The following SLC9A9 variants were observed in gnomAD, a reference collection of about 807,000 sequenced individuals.
SLC9A9 encodes the protein solute carrier family 9 member A9.
SLC9A9 carries 62 observed loss-of-function variants against 77.8 expected under a neutral mutation model. That is an observed-to-expected ratio of 0.80 (90% CI 0.65 to 0.98). The LOEUF is 0.98. Among genes scored for constraint, SLC9A9 ranks in the 50% least tolerant of loss-of-function variants. The pLI is 0.00. For synonymous variants in SLC9A9, 320 were observed against 283.5 expected (o/e 1.13, Z -1.29); for missense variants, 775 against 774.9 (o/e 1.00, Z 0.00).
At chr3:143,547,907 T>C (rs922089007) in intron 9 of SLC9A9, among the ~76,000 whole-genome samples, 1 of 152,232 alleles carries the variant, frequency 6.6e-6, no homozygotes, top group African/African-American at 2.4e-5. Flanking sequence ...TAGAAATTCT[T>C]TTTTTGTTCA....
intron 4 of SLC9A9, among the ~76,000 whole-genome samples, chr3:143,783,925 C>G (rs1048732427): frequency 1.3e-5 from 2 of 152,204 alleles, no homozygotes; most frequent in Admixed American, 1.3e-4. Flanking sequence ...AAATAAGATG[C>G]CAATATCAAG....
At chr3:143,569,354 C>A (rs2037221402) in intron 8 of SLC9A9, among the ~76,000 whole-genome samples, 1 of 151,642 alleles carries the variant, frequency 6.6e-6, no homozygotes, top group Admixed American at 6.6e-5. Flanking sequence ...CATACAGATA[C>A]ACATACACAT....
At chr3:143,551,053 T>C (rs1157497040) in intron 9 of SLC9A9, among the ~76,000 whole-genome samples, 1 of 152,204 alleles carries the variant, frequency 6.6e-6, no homozygotes. Flanking sequence ...TAACTCAATA[T>C]GACCCGTGTC....
At chr3:143,629,154 CG>C (rs34029020) in intron 6 of SLC9A9, among the ~76,000 whole-genome samples, 2 of 152,120 alleles carry the variant, frequency 1.3e-5, no homozygotes, top group Admixed American at 6.5e-5. Flanking sequence ...AGTAACCACA[CG>C]GGGGAACCAC....
At chr3:143,638,218 A>C (rs1576626982) in intron 6 of SLC9A9, among the ~76,000 whole-genome samples, 2 of 152,252 alleles carry the variant, frequency 1.3e-5, no homozygotes, top group East Asian at 3.8e-4. Context: ...TTAATGGCCC[A>C]AAATATAGCA....
At chr3:143,313,685 C>T (rs1032611924) in intron 14 of SLC9A9, among the ~76,000 whole-genome samples, 14 of 152,206 alleles carry the variant, frequency 9.2e-5, no homozygotes, top group African/African-American at 3.1e-4. Flanking sequence ...TGAAAGTTCA[C>T]AATCTTTTGA....
intron 4 of SLC9A9, among the ~76,000 whole-genome samples, chr3:143,792,417 C>T (rs79111407): frequency 2.8e-4 from 42 of 152,280 alleles, no homozygotes; most frequent in African/African-American, 9.1e-4. Flanking sequence ...GCTCCCAAAA[C>T]AATTGGACTT....
chr3:143,637,137 T>C (rs1338482038), intron 6 of SLC9A9, among the ~76,000 whole-genome samples: 2 of 152,106 alleles, frequency 1.3e-5, no homozygotes. Context: ...TTATCCAAAA[T>C]GAAAATTCTA....
Position 143,416,562 on chromosome 3 carries a change from G to GT in SLC9A9, c.1470-34449dup, listed in dbSNP as rs987060039. Among the ~76,000 whole-genome samples, 518 of 149,192 alleles carry GT rather than the reference G, an allele frequency of 3.5e-3. 4 individuals are homozygous for GT. The highest frequency in any genetic ancestry group is 0.011 in the African/African-American group (469 of 40,804). On this transcript the variant is annotated intron_variant, in intron 12 of 15. Coordinates refer to ENST00000316549, the MANE Select transcript of SLC9A9 (RefSeq NM_173653.4). ...ATGATTAGCATTTTTTAGCAACAAAGTTTTTTTTTTAAGGTCTGGATATAT... is the reference window on the plus strand; with the variant it reads ...ATGATTAGCATTTTTTAGCAACAAAGTTTTTTTTTTTAAGGTCTGGATATAT...
chr3:143,319,711 A>C (rs1328616916), intron 14 of SLC9A9, among the ~76,000 whole-genome samples: 2 of 152,154 alleles, frequency 1.3e-5, no homozygotes, highest in Admixed American at 1.3e-4. Context: ...CAAATTCCTA[A>C]AGGATAGACA....
intron 6 of SLC9A9, among the ~76,000 whole-genome samples, chr3:143,643,178 C>A (rs1348974676): frequency 6.6e-6 from 1 of 152,126 alleles, no homozygotes; most frequent in African/African-American, 2.4e-5. Context: ...AGTATCACCT[C>A]AGGGCAGTTT....
At chr3:143,720,114 T>G (rs1934458214) in intron 4 of SLC9A9, among the ~76,000 whole-genome samples, 1 of 151,326 alleles carries the variant, frequency 6.6e-6, no homozygotes, top group Non-Finnish European at 1.5e-5. Context: ...TGATACCACA[T>G]ATATAATATA....
At chr3:143,725,426 C>T (rs1451939591) in intron 4 of SLC9A9, among the ~76,000 whole-genome samples, 1 of 152,032 alleles carries the variant, frequency 6.6e-6, no homozygotes, top group Non-Finnish European at 1.5e-5. Flanking sequence ...GCTATAAAGA[C>T]ACATGCACAC....
At chr3:143,743,712 C>T (rs1935138614) in intron 4 of SLC9A9, among the ~76,000 whole-genome samples, 1 of 152,130 alleles carries the variant, frequency 6.6e-6, no homozygotes, top group Admixed American at 6.5e-5. Flanking sequence ...CACAGACAAG[C>T]CCTAGAAATA....
intron 12 of SLC9A9, among the ~76,000 whole-genome samples, chr3:143,445,649 C>A (rs910820831): frequency 6.6e-6 from 1 of 152,096 alleles, no homozygotes; most frequent in African/African-American, 2.4e-5. Context: ...GACACCATAC[C>A]TTTATGGAAT....
At chr3:143,682,742 A>C (rs1036697371) in intron 5 of SLC9A9, among the ~76,000 whole-genome samples, 10 of 152,140 alleles carry the variant, frequency 6.6e-5, no homozygotes, top group African/African-American at 2.2e-4. Flanking sequence ...GAGGCCACCA[A>C]AATTTCTGGG....
At chr3:143,585,032 G>A (rs775111077) in intron 6 of SLC9A9, among the ~76,000 whole-genome samples, 7 of 152,066 alleles carry the variant, frequency 4.6e-5, no homozygotes, top group African/African-American at 7.2e-5. Context: ...GTAGGGTCCC[G>A]GCCTGGTCTC....
chr3:143,568,266 G>GTCCTACC (rs769392474), intron 8 of SLC9A9, among the ~76,000 whole-genome samples: 73 of 152,052 alleles, frequency 4.8e-4, no homozygotes, highest in Non-Finnish European at 7.5e-4. Context: ...GTGTCTAGTT[G>GTCCTACC]TCCTACCTTC....
At chr3:143,503,546 G>T (rs1300861882) in intron 9 of SLC9A9, 3 of 407,762 alleles carry the variant, frequency 7.4e-6, no homozygotes, top group South Asian at 3.7e-5. Context: ...GGCAGGTCAG[G>T]TCTGTGACTG....
Sources: allele counts gnomAD v4.1 joint callset (sites outside exome capture counted in the v4.1 genomes callset), GRCh38; gene constraint gnomAD v4.1.1; transcripts MANE v1.5; gene names NCBI Gene and HGNC (gene_info 2026-07-23, HGNC 2026-07-21).